The following FKBP9 variants were observed in gnomAD, a reference collection of about 807,000 sequenced individuals.
The protein encoded by FKBP9 is FKBP prolyl isomerase 9.
FKBP9 carries 27 observed loss-of-function variants against 55.6 expected under a neutral mutation model. The ratio of observed to expected loss-of-function variants is 0.49; its 90% CI spans 0.36 to 0.67. The LOEUF (loss-of-function observed/expected upper bound fraction) is 0.67, where lower values mean the gene tolerates loss of function less well. Among genes scored for constraint, FKBP9 ranks in the 30% least tolerant of loss-of-function variants. The pLI, the probability that FKBP9 is intolerant of heterozygous loss-of-function variation, is 0.00. For missense variants in FKBP9, 539 were observed against 742.8 expected (o/e 0.73, Z 3.19); for synonymous variants, 267 against 296.5 (o/e 0.90, Z 1.02).
chr7:32,974,344 C>CA (rs1784316915), intron 1 of FKBP9, among the ~76,000 whole-genome samples: 1 of 140,188 alleles, frequency 7.1e-6, no homozygotes, highest in Non-Finnish European at 1.5e-5. Context: ...AACTATTTTG[C>CA]AAAATCAGTT....
intron 1 of FKBP9, among the ~76,000 whole-genome samples, chr7:32,969,989 G>C (rs1326932582): frequency 6.6e-6 from 1 of 151,512 alleles, no homozygotes; most frequent in Non-Finnish European, 1.5e-5. Flanking sequence ...GACAGAGTGA[G>C]ACTCTATCTC....
At position 32,974,747 on chromosome 7, in the gene FKBP9, G is replaced by A. The variant is rs376885797; in HGVS notation, c.352G>A (p.Gly118Arg). The change falls in exon 2 of 10, where the codon GGA (glycine) becomes AGA (arginine). Residue 118 changes from glycine to arginine, a missense_variant. Physicochemically the swap from Gly to Arg is moderately radical, Grantham distance 125 (BLOSUM62 -2). Coordinates refer to ENST00000242209, the MANE Select transcript of FKBP9 (RefSeq NM_007270.5). ...GAAGATTCCCCCAAAGCTTGCCTAC[G>A]GAAATGAAGGAGTTTGTAAGCTTTT... The part of the protein sequence containing the change: ...FVKIPPKLAY[G>R]NEGVSGVIPP... 34 of 1,613,578 alleles carry A rather than the reference G, an allele frequency of 2.1e-5. No homozygotes were observed. The highest frequency in any genetic ancestry group is 1.7e-4 in the Middle Eastern group (1 of 6,052).
At position 32,981,344 on chromosome 7, in the gene FKBP9, T is replaced by C. The variant is rs536088509; in HGVS notation, c.893+791T>C. ...ACGGCACTGGTTGGATGCATTCAGC[T>C]CCCTTCTGGATGCTGGGTGCCATAG... is the stretch of plus-strand genomic sequence containing the variant. On this transcript the variant is annotated intron_variant, in intron 5 of 9. Coordinates refer to ENST00000242209, the MANE Select transcript of FKBP9 (RefSeq NM_007270.5). 3.9e-5 allele frequency among the ~76,000 whole-genome samples: 6 copies of C among 152,356 alleles called. No individual in the cohort carries two copies. The South Asian group carries it at 8.3e-4, about 21-fold the overall frequency.
At chr7:32,961,564 C>G (rs1317406547) in intron 1 of FKBP9, among the ~76,000 whole-genome samples, 1 of 152,142 alleles carries the variant, frequency 6.6e-6, no homozygotes, top group Non-Finnish European at 1.5e-5. Flanking sequence ...ATAAATAGAA[C>G]AGGGGTCCCT....
chr7:32,996,402 G>A (rs1784787012), intron 7 of FKBP9, 53 bp downstream of exon 7: 4 of 1,234,488 alleles, frequency 3.2e-6, no homozygotes, highest in Non-Finnish European at 3.5e-6. Context: ...ACAGTTGCAT[G>A]CTCCCACCAT....
intron 7 of FKBP9, among the ~76,000 whole-genome samples, chr7:32,997,858 G>C (rs1422581988): frequency 1.3e-5 from 2 of 152,014 alleles, no homozygotes; most frequent in Non-Finnish European, 2.9e-5. Flanking sequence ...AGACCCTATG[G>C]ATATACTCTT....
At chr7:32,963,027 G>A (rs1045863374) in intron 1 of FKBP9, among the ~76,000 whole-genome samples, 1 of 152,182 alleles carries the variant, frequency 6.6e-6, no homozygotes, top group African/African-American at 2.4e-5. Context: ...TGAGTATTAT[G>A]CATAGATACC....
At chr7:32,963,320 T>C (rs1784062619) in intron 1 of FKBP9, among the ~76,000 whole-genome samples, 1 of 151,300 alleles carries the variant, frequency 6.6e-6, no homozygotes, top group South Asian at 2.1e-4. Flanking sequence ...GTGGCTGAGC[T>C]AGGTGTTGTG....
intron 1 of FKBP9, among the ~76,000 whole-genome samples, chr7:32,970,773 C>CT (rs1350399568): frequency 6.6e-6 from 1 of 151,794 alleles, no homozygotes. Context: ...GTTTTAACAG[C>CT]TTTTTTTATG....
chr7:32,987,765 CT>C (rs1241957402), intron 5 of FKBP9, among the ~76,000 whole-genome samples: 2 of 152,154 alleles, frequency 1.3e-5, no homozygotes, highest in African/African-American at 4.8e-5. Flanking sequence ...TCCTGAGTAG[CT>C]GGGACTATAG....
rs774674887 is a variant in FKBP9 at position 32,975,262 on chromosome 7, A to G, written c.448A>G (p.Ile150Val). The G allele has an allele frequency of 6.2e-7, 1 of 1,613,816 alleles. No homozygotes were observed. The highest frequency in any genetic ancestry group is 2.2e-5 in the East Asian group (1 of 44,884). Residue 150 changes from isoleucine to valine, a missense_variant, in exon 3 of 10, where the codon ATT becomes GTT. Ile to Val is a conservative substitution (Grantham distance 29). This residue lies in a region of FKBP9 where 236 missense variants were observed against 271.5 expected (regional missense o/e 0.87). Transcript: ENST00000242209. ...TTGGAATTCTGAAGACCAGGTTCAG[A>G]TTCACACCTATTTCAAGCCCCCGAG... ...DIWNSEDQVQ[I>V]HTYFKPPSCP...
chr7:32,960,847 T>G (rs1784007606), intron 1 of FKBP9, among the ~76,000 whole-genome samples: 1 of 152,260 alleles, frequency 6.6e-6, no homozygotes, highest in African/African-American at 2.4e-5. Context: ...CTGTCTCTCA[T>G]AGAGTTCACA....
intron 7 of FKBP9, among the ~76,000 whole-genome samples, chr7:32,999,317 A>G (rs1405692081): frequency 6.6e-6 from 1 of 152,148 alleles, no homozygotes; most frequent in African/African-American, 2.4e-5. Context: ...TCCTTGGAGT[A>G]AAGAACATCA....
intron 1 of FKBP9, among the ~76,000 whole-genome samples, chr7:32,967,465 C>T (rs1027089379): frequency 1.1e-3 from 165 of 152,244 alleles, no homozygotes; most frequent in African/African-American, 3.5e-3. Flanking sequence ...TCATATAATT[C>T]GTGGAATCAT....
chr7:32,988,486 C>G (rs771777926), intron 5 of FKBP9, 21 bp from the exon 6 acceptor site: 2 of 1,613,432 alleles, frequency 1.2e-6, no homozygotes, highest in East Asian at 4.5e-5. Context: ...TGACCTCTTT[C>G]TTTCCTTTCT....
At chr7:32,984,755 G>A (rs1458884349) in intron 5 of FKBP9, among the ~76,000 whole-genome samples, 1 of 152,206 alleles carries the variant, frequency 6.6e-6, no homozygotes, top group Non-Finnish European at 1.5e-5. Context: ...TGGTATCACT[G>A]TGACAGGAAG....
At chr7:32,988,225 T>G (rs1408677878) in intron 5 of FKBP9, among the ~76,000 whole-genome samples, 1 of 152,154 alleles carries the variant, frequency 6.6e-6, no homozygotes, top group Non-Finnish European at 1.5e-5. Flanking sequence ...TAGCTCCATT[T>G]CTGTGTGGTG....
In FKBP9 at chr7:32,992,030, T is replaced by A. The variant is rs192626654; in HGVS notation, c.1039+3378T>A. Among the ~76,000 whole-genome samples the A allele has an allele frequency of 0.01, 1,563 of 152,212 alleles. 107 individuals are homozygous for A. The East Asian group carries it at 0.18, about 18-fold the overall frequency. On this transcript the variant is annotated intron_variant, in intron 6 of 9. Coordinates refer to ENST00000242209, the MANE Select transcript of FKBP9 (RefSeq NM_007270.5). ...TCCACCCATGTGTCCAAGGCCACAA[T>A]AGCTAATCCATGATGGAGCTGGAAT... is the stretch of plus-strand genomic sequence containing the variant.
rs201129637 is a variant in FKBP9, at chr7:33,000,096, C to T, written c.1227-19C>T. 1,397 of 1,614,098 alleles carry T rather than the reference C, an allele frequency of 8.7e-4. 7 individuals carry two copies. The highest frequency in any genetic ancestry group is 5.8e-3 in the Middle Eastern group (35 of 6,062). On this transcript the variant is annotated intron_variant, in intron 7 of 9. Transcript: ENST00000242209. The stretch of plus-strand genomic sequence containing the variant: ...AATGGGTTGGTGACCTAACATGAGG[C>T]TCTTCTGTTTCATTTTAGGTGGAAT...
Sources: allele counts gnomAD v4.1 joint callset (sites outside exome capture counted in the v4.1 genomes callset), GRCh38; gene constraint gnomAD v4.1.1; regional missense constraint gnomAD v4.1.1; transcripts MANE v1.5; gene names NCBI Gene and HGNC (gene_info 2026-07-23, HGNC 2026-07-21).